The following KRABD3 variants were observed in gnomAD, a reference collection of about 807,000 sequenced individuals.
KRABD3 encodes KRAB domain-containing protein 3.
At chr7:149,733,151 G>T in the KRABD3 span, 1 of 1,531,662 alleles carries the variant, frequency 6.5e-7, no homozygotes, top group Non-Finnish European at 8.8e-7. Flanking sequence ...GACCTCTGGG[G>T]AGAGAAAGGT....
chr7:149,734,281 A>C, the KRABD3 span: 1 of 565,550 alleles, frequency 1.8e-6, no homozygotes, highest in South Asian at 2.4e-5. Context: ...GATTCAATCA[A>C]ATGTTGCTTC....
chr7:149,719,238 G>A, the KRABD3 span, among the ~76,000 whole-genome samples: 1 of 152,196 alleles, frequency 6.6e-6, no homozygotes, highest in African/African-American at 2.4e-5. The surrounding 1 kb of genome is among the most constrained non-coding windows in gnomAD (Gnocchi z 5.6). Context: ...GATAAGGAAT[G>A]AGTCATACTG....
the KRABD3 span, chr7:149,722,967 G>A: frequency 6.4e-7 from 1 of 1,563,724 alleles, no homozygotes; most frequent in Admixed American, 2.1e-5. Flanking sequence ...GTGAGTTCTG[G>A]GGCCTCAGGC....
the KRABD3 span, chr7:149,729,170 G>C: frequency 1.4e-6 from 2 of 1,463,970 alleles, no homozygotes; most frequent in South Asian, 2.9e-5. Context: ...CAGGCCTTCT[G>C]ATTTCTCATT....
chr7:149,721,691 G>A, the KRABD3 span: 1 of 879,900 alleles, frequency 1.1e-6, no homozygotes, highest in Non-Finnish European at 1.8e-6. Context: ...CAGGGAGCAG[G>A]ACAACATATT....
the KRABD3 span, chr7:149,723,024 C>T: frequency 1.6e-6 from 2 of 1,266,830 alleles, no homozygotes; most frequent in African/African-American, 1.5e-5. Context: ...ATTCCTCCTG[C>T]TCCAAACTGT....
chr7:149,720,707 T>C, the KRABD3 span: 1 of 967,904 alleles, frequency 1.0e-6, no homozygotes, highest in Non-Finnish European at 1.5e-6. Flanking sequence ...TGGGACATGG[T>C]GTCTCCTCTG....
At chr7:149,725,254 G>A in the KRABD3 span, 1 of 1,471,642 alleles carries the variant, frequency 6.8e-7, no homozygotes, top group Non-Finnish European at 9.1e-7. Context: ...CCAGCCAGGG[G>A]TCTGATGGGC....
chr7:149,722,841 T>C, the KRABD3 span: 1 of 1,613,164 alleles, frequency 6.2e-7, no homozygotes, highest in Non-Finnish European at 8.5e-7. Flanking sequence ...AGGAAATCCT[T>C]GTGCCTGGGC....
chr7:149,725,407 A>C, the KRABD3 span: 1 of 1,611,384 alleles, frequency 6.2e-7, no homozygotes, highest in Non-Finnish European at 8.5e-7. Context: ...GCTGCCACCC[A>C]CTTCTTGTTC....
the KRABD3 span, chr7:149,715,470 T>G: frequency 7.9e-6 from 4 of 504,476 alleles, no homozygotes; most frequent in Non-Finnish European, 1.0e-5. Flanking sequence ...AGCCTGCAGG[T>G]AAGGCGTTTA....
chr7:149,722,571 C>G, the KRABD3 span: 1 of 1,578,700 alleles, frequency 6.3e-7, no homozygotes, highest in Non-Finnish European at 8.6e-7. Context: ...GCGGGCTTTC[C>G]TTAGTGGGGT....
At chr7:149,725,904 G>C in the KRABD3 span, 1 of 1,591,550 alleles carries the variant, frequency 6.3e-7, no homozygotes, top group Non-Finnish European at 8.6e-7. Flanking sequence ...CAGAGAGCCT[G>C]TTCTGCCTCT....
chr7:149,722,708 A>T, the KRABD3 span: 1 of 1,522,424 alleles, frequency 6.6e-7, no homozygotes, highest in Non-Finnish European at 8.9e-7. Flanking sequence ...CCGCCCGGAG[A>T]CCTGAATGCC....
chr7:149,725,578 G>A, the KRABD3 span: 35 of 1,316,342 alleles, frequency 2.7e-5, no homozygotes, highest in Admixed American at 2.6e-4. Context: ...TGTGTTCCCC[G>A]GCCTCCTGAG....
chr7:149,716,194 A>C, the KRABD3 span, among the ~76,000 whole-genome samples: 1 of 152,156 alleles, frequency 6.6e-6, no homozygotes, highest in African/African-American at 2.4e-5. Flanking sequence ...GAGCAGGTCT[A>C]GGTTGGGAAG....
chr7:149,729,404 C>A, the KRABD3 span: 2 of 1,387,872 alleles, frequency 1.4e-6, no homozygotes, highest in South Asian at 1.8e-5. Context: ...ACTGACAGCC[C>A]CACTTCAGTT....
chr7:149,725,529 C>G, the KRABD3 span: 1 of 1,547,116 alleles, frequency 6.5e-7, no homozygotes, highest in Non-Finnish European at 8.7e-7. Flanking sequence ...TGTCCCTGAG[C>G]GTGGCAGCGG....
chr7:149,721,406 C>G, the KRABD3 span: 1 of 1,609,628 alleles, frequency 6.2e-7, no homozygotes. Context: ...GCCCTGCCCT[C>G]TCCGAGGCCT....
Sources: allele counts gnomAD v4.1 joint callset (sites outside exome capture counted in the v4.1 genomes callset), GRCh38; gene constraint gnomAD v4.1.1; non-coding constraint Gnocchi (gnomAD v3.1); transcripts MANE v1.5; gene names NCBI Gene and HGNC (gene_info 2026-07-23, HGNC 2026-07-21).